Variants in MED12L observed in about 807,000 individuals in gnomAD.
The protein encoded by MED12L is mediator complex subunit 12L.
Under a neutral mutation model 281.3 loss-of-function variants are expected in MED12L, and 60 were observed. The observed-to-expected ratio is 0.21, with a 90% confidence interval of 0.17 to 0.26. The LOEUF (loss-of-function observed/expected upper bound fraction) is 0.26, where lower values mean the gene tolerates loss of function less well. Ranked by LOEUF, MED12L falls within the 10% of genes least tolerant of loss-of-function variation. The pLI is 1.00. For synonymous variants in MED12L, 974 were observed against 987.2 expected (o/e 0.99, Z 0.25); for missense variants, 2,146 against 2,680.9 (o/e 0.80, Z 4.41).
chr3:151,138,993 C>T (rs1716544734), intron 5 of MED12L, among the ~76,000 whole-genome samples: 1 of 141,076 alleles, frequency 7.1e-6, no homozygotes, highest in Admixed American at 6.9e-5. Context: ...ACCTACCTAC[C>T]TACCTACCTG....
At chr3:151,247,960 T>C (rs1462181898) in intron 16 of MED12L, among the ~76,000 whole-genome samples, 10 of 71,262 alleles carry the variant, frequency 1.4e-4, no homozygotes, top group Non-Finnish European at 1.9e-4. Context: ...CTTCTTCTTC[T>C]TCTTTTTTTT....
chr3:151,100,009 C>G (rs1201739479), intron 2 of MED12L, among the ~76,000 whole-genome samples: 1 of 152,144 alleles, frequency 6.6e-6, no homozygotes, highest in Non-Finnish European at 1.5e-5. Context: ...CCCAAAGAGA[C>G]AGTTAACATC....
Position 151,382,109 on chromosome 3 carries a change from A to G in MED12L, c.4591-547A>G, listed in dbSNP as rs1021958783. ...GTGTGAGTCAGTGAGGAAGTGAAGA[A>G]GCAGCCCACTTTATAAACTGATAAA... On this transcript the variant is annotated intron_variant, in intron 32 of 44. Coordinates refer to ENST00000687756, the MANE Select transcript of MED12L (RefSeq NM_001393769.1). 3.3e-5 allele frequency among the ~76,000 whole-genome samples: 5 copies of G among 152,192 alleles called. 1 individual carries two copies. Among genetic ancestry groups the G allele is most frequent in the Admixed American group, 1.3e-4 (2 of 15,284 alleles).
intron 12 of MED12L, among the ~76,000 whole-genome samples, chr3:151,187,090 G>T (rs760153519): frequency 1.3e-5 from 2 of 152,216 alleles, no homozygotes; most frequent in Non-Finnish European, 2.9e-5. Context: ...AGATCATATT[G>T]TTGAAACTGG....
intron 16 of MED12L, among the ~76,000 whole-genome samples, chr3:151,234,940 A>G (rs960959945): frequency 6.6e-6 from 1 of 152,218 alleles, no homozygotes; most frequent in Non-Finnish European, 1.5e-5. Context: ...CAAACGTTCC[A>G]GCGAACTTTC....
rs561115151 is a variant in MED12L at position 151,176,447 on chromosome 3, G to C, written c.1495-8883G>C. On this transcript the variant is annotated intron_variant, in intron 11 of 44. Coordinates refer to ENST00000687756, the MANE Select transcript of MED12L (RefSeq NM_001393769.1). ...TATGGAAACTTTCATAAACATATAT[G>C]AACACTTAACTATAAAGGTTGGAGG... Among the ~76,000 whole-genome samples, 14 of 152,182 alleles carry C rather than the reference G, an allele frequency of 9.2e-5. No individual in the cohort carries two copies. The South Asian group carries it at 2.9e-3, about 32-fold the overall frequency.
chr3:151,393,820 G>A (rs1714607565), intron 38 of MED12L, among the ~76,000 whole-genome samples: 2 of 152,138 alleles, frequency 1.3e-5, no homozygotes, highest in Admixed American at 1.3e-4. Flanking sequence ...CAAAAAAACA[G>A]CTTTAAAATG....
intron 27 of MED12L, among the ~76,000 whole-genome samples, chr3:151,374,582 C>T (rs1466608161): frequency 1.3e-5 from 2 of 150,972 alleles, no homozygotes; most frequent in African/African-American, 4.8e-5. Context: ...AAATGTTACA[C>T]ACATACCACT....
At chr3:151,280,550 G>A (rs1486987014) in intron 16 of MED12L, among the ~76,000 whole-genome samples, 3 of 151,972 alleles carry the variant, frequency 2.0e-5, no homozygotes, top group Middle Eastern at 3.2e-3. Flanking sequence ...TGTCTAAATC[G>A]AATACCTTAC....
At chr3:151,282,706 G>C (rs1653556594) in intron 16 of MED12L, among the ~76,000 whole-genome samples, 1 of 152,192 alleles carries the variant, frequency 6.6e-6, no homozygotes, top group Admixed American at 6.5e-5. Flanking sequence ...AAGGTTTAAT[G>C]TTAGGAAAGC....
chr3:151,242,109 G>T (rs1734254155), intron 16 of MED12L, among the ~76,000 whole-genome samples: 1 of 152,216 alleles, frequency 6.6e-6, no homozygotes, highest in Admixed American at 6.5e-5. Context: ...CCCGCACCTG[G>T]CTCGGAGGGT....
intron 8 of MED12L, among the ~76,000 whole-genome samples, chr3:151,162,838 C>A (rs1720177467): frequency 6.6e-6 from 1 of 152,114 alleles, no homozygotes; most frequent in South Asian, 2.1e-4. Context: ...TGTTACAGAC[C>A]TGATTTTAAA....
intron 16 of MED12L, among the ~76,000 whole-genome samples, chr3:151,317,652 A>G (rs563836276): frequency 3.4e-4 from 52 of 151,526 alleles, no homozygotes; most frequent in Non-Finnish European, 6.5e-4. Context: ...GGGTTTCTCT[A>G]TGTTGGCCAG....
chr3:151,219,625 G>A (rs1728926381), intron 16 of MED12L: 1 of 152,100 alleles, frequency 6.6e-6, no homozygotes. Flanking sequence ...TGGCCCAAGT[G>A]TTTTTTCATT....
At chr3:151,339,911 C>T (rs1751589543) in intron 16 of MED12L, among the ~76,000 whole-genome samples, 1 of 151,954 alleles carries the variant, frequency 6.6e-6, no homozygotes, top group African/African-American at 2.4e-5. Context: ...ATAAAATATT[C>T]TTAATAATCA....
chr3:151,135,161 G>A (rs1715962814), intron 5 of MED12L, among the ~76,000 whole-genome samples: 1 of 152,122 alleles, frequency 6.6e-6, no homozygotes, highest in Non-Finnish European at 1.5e-5. Flanking sequence ...AAGTAGCTGG[G>A]ATTACAGGCA....
intron 35 of MED12L, 113 bp downstream of exon 35, chr3:151,384,331 A>G (rs912234521): frequency 1.4e-5 from 16 of 1,116,396 alleles, no homozygotes; most frequent in East Asian, 8.1e-5. Context: ...ACTTAATTTA[A>G]TGTGATTATT....
At chr3:151,104,034 G>A (rs771494826) in intron 2 of MED12L, among the ~76,000 whole-genome samples, 9 of 152,146 alleles carry the variant, frequency 5.9e-5, no homozygotes, top group Non-Finnish European at 1.2e-4. Context: ...CCTGCTCTAG[G>A]TACGGATGTT....
intron 16 of MED12L, among the ~76,000 whole-genome samples, chr3:151,306,638 G>T (rs1013835543): frequency 6.6e-6 from 1 of 152,212 alleles, no homozygotes; most frequent in African/African-American, 2.4e-5. Flanking sequence ...CACTGGATTG[G>T]ATCTTGGCAT....
Sources: gnomAD v4.1 joint callset for allele counts (sites outside exome capture counted in the v4.1 genomes callset) on GRCh38, gnomAD v4.1.1 for gene constraint, MANE v1.5 for transcripts, NCBI Gene and HGNC (gene_info 2026-07-23, HGNC 2026-07-21) for gene names.